Variants in PDGFD observed in about 807,000 individuals in gnomAD.
PDGFD encodes the protein platelet derived growth factor D.
In PDGFD, 30 loss-of-function variants were observed where a neutral mutation model predicts 44.7. The ratio of observed to expected loss-of-function variants is 0.67; its 90% confidence interval spans 0.50 to 0.91. The LOEUF is 0.91. PDGFD is among the 40% of genes least tolerant of loss of function. The probability of loss-of-function intolerance (pLI) is 0.00; values close to 1 mark genes in which losing one functional copy is unlikely to be tolerated. For synonymous variants in PDGFD, 173 were observed against 168.4 expected, an observed-to-expected ratio of 1.03 and a Z score of -0.21; for missense variants, 445 against 457.8, an observed-to-expected ratio of 0.97 and a Z score of 0.25.
chr11:104,029,311 ATT>A (rs1310260218), intron 1 of PDGFD, among the ~76,000 whole-genome samples: 1 of 152,196 alleles, frequency 6.6e-6, no homozygotes, highest in Non-Finnish European at 1.5e-5. Context: ...TTTATCTTTT[ATT>A]TGTTATTTTT....
chr11:104,078,399 C>T (rs529002502), intron 1 of PDGFD, among the ~76,000 whole-genome samples: 4 of 152,268 alleles, frequency 2.6e-5, no homozygotes, highest in African/African-American at 9.6e-5. Flanking sequence ...CTACCATCTT[C>T]TCAGATTTAT....
chr11:104,004,158 T>A (rs985997926), intron 1 of PDGFD, among the ~76,000 whole-genome samples: 1 of 152,198 alleles, frequency 6.6e-6, no homozygotes, highest in Non-Finnish European at 1.5e-5. Context: ...TGGTTATAAA[T>A]GAATGCCAAT....
At chr11:104,036,584 A>G (rs955123475) in intron 1 of PDGFD, 1 of 565,144 alleles carries the variant, frequency 1.8e-6, no homozygotes. Context: ...ACACTTAGAA[A>G]TGGACTTTGG....
intron 1 of PDGFD, among the ~76,000 whole-genome samples, chr11:104,092,486 T>C (rs1861225149): frequency 6.6e-6 from 1 of 152,052 alleles, no homozygotes; most frequent in African/African-American, 2.4e-5. Context: ...AGACTGCAAA[T>C]ATGACCCACT....
At chr11:103,942,559 C>T (rs570015068) in intron 5 of PDGFD, among the ~76,000 whole-genome samples, 25 of 152,248 alleles carry the variant, frequency 1.6e-4, no homozygotes, top group Middle Eastern at 3.4e-3. Context: ...TGCTCTCACA[C>T]ATCTCCAAAC....
chr11:103,996,795 C>T (rs759676063), intron 2 of PDGFD, among the ~76,000 whole-genome samples: 7 of 152,090 alleles, frequency 4.6e-5, no homozygotes, highest in Non-Finnish European at 8.8e-5. Context: ...GGAATGATCA[C>T]GTCATAAAAT....
chr11:104,057,316 T>C (rs1053970390), intron 1 of PDGFD, among the ~76,000 whole-genome samples: 3 of 152,158 alleles, frequency 2.0e-5, no homozygotes, highest in Admixed American at 6.5e-5. Context: ...ATAATCTCAA[T>C]GAAAACCCAG....
intron 6 of PDGFD, among the ~76,000 whole-genome samples, chr11:103,926,127 T>C (rs1858311860): frequency 6.6e-6 from 1 of 152,158 alleles, no homozygotes; most frequent in South Asian, 2.1e-4. Context: ...GGCTCTGTGA[T>C]TTACTGACCA....
intron 1 of PDGFD, among the ~76,000 whole-genome samples, chr11:104,005,987 G>A (rs372836459): frequency 1.1e-4 from 16 of 152,082 alleles, no homozygotes; most frequent in African/African-American, 3.9e-4. Context: ...CTTAAAAAAG[G>A]CAATTAAAAT....
rs1858796167 is a variant in PDGFD, at chr11:103,953,823, G to T, written c.511-6099C>A. Among the ~76,000 whole-genome samples, 4 of 152,310 alleles carry T rather than the reference G, an allele frequency of 2.6e-5. No homozygotes were observed. The South Asian group carries it at 6.2e-4, about 24-fold the overall frequency. On this transcript the variant is annotated intron_variant, in intron 3 of 6. Transcript: ENST00000393158. ...ACGTTTCTCACCAATTGCTAAAAGA[G>T]AATTGTTCAAAGACTGGACTACAAA...
At chr11:103,990,024 A>G (rs1859426877) in intron 3 of PDGFD, among the ~76,000 whole-genome samples, 1 of 152,180 alleles carries the variant, frequency 6.6e-6, no homozygotes, top group African/African-American at 2.4e-5. Context: ...CTTTTGTAGC[A>G]TCTCACCTTA....
chr11:103,983,137 CT>C (rs1459147594), intron 3 of PDGFD, among the ~76,000 whole-genome samples: 1 of 151,880 alleles, frequency 6.6e-6, no homozygotes, highest in Admixed American at 6.6e-5. Flanking sequence ...AATGACAAAG[CT>C]GGAGGCATCA....
Position 104,016,430 on chromosome 11 carries a change from C to T in PDGFD, c.125-16175G>A, listed in dbSNP as rs540875540. Among the ~76,000 whole-genome samples the T allele has an allele frequency of 7.2e-5, 11 of 152,362 alleles. No homozygotes were observed. The South Asian group carries it at 2.3e-3, about 32-fold the overall frequency. On this transcript the variant is annotated intron_variant, in intron 1 of 6. Coordinates refer to ENST00000393158, the MANE Select transcript of PDGFD (RefSeq NM_025208.5). ...TTTCTCAAATCCCCAAGCAAGCTTT[C>T]CCTCTGTCTCACTGGGCAGAATCTG...
chr11:104,126,678 T>C (rs78011649), intron 1 of PDGFD, among the ~76,000 whole-genome samples: 4 of 152,128 alleles, frequency 2.6e-5, no homozygotes, highest in Non-Finnish European at 5.9e-5. Context: ...AGGTGCTATA[T>C]AACTGACATG....
chr11:104,153,954 C>T (rs1325108751), intron 1 of PDGFD, among the ~76,000 whole-genome samples: 2 of 151,932 alleles, frequency 1.3e-5, no homozygotes. Flanking sequence ...ATAGGGCAGA[C>T]AGGAAGACCC....
chr11:103,934,580 G>A (rs1858458015), intron 5 of PDGFD, among the ~76,000 whole-genome samples: 1 of 152,174 alleles, frequency 6.6e-6, no homozygotes. Context: ...TGCATTGCCT[G>A]GGAGGCCTAA....
At chr11:103,919,502 C>CTTT (rs71037206) in intron 6 of PDGFD, among the ~76,000 whole-genome samples, 2,292 of 88,710 alleles carry the variant, frequency 0.026, 75 homozygotes, top group African/African-American at 0.043. Flanking sequence ...AAGATTCTTC[C>CTTT]TTTTTTTTTT....
At chr11:103,960,095 G>T (rs1008519206) in intron 3 of PDGFD, among the ~76,000 whole-genome samples, 1 of 152,128 alleles carries the variant, frequency 6.6e-6, no homozygotes, top group Admixed American at 6.5e-5. Flanking sequence ...GTTCTTCTTT[G>T]CATCTTGCTA....
intron 4 of PDGFD, chr11:103,945,448 T>A (rs373213142): frequency 1.3e-5 from 2 of 152,192 alleles, no homozygotes; most frequent in Non-Finnish European, 2.9e-5. Flanking sequence ...TGTCGGATAA[T>A]CTACAGTCTA....
Sources: gnomAD v4.1 joint callset for allele counts (sites outside exome capture counted in the v4.1 genomes callset) on GRCh38, gnomAD v4.1.1 for gene constraint, MANE v1.5 for transcripts, NCBI Gene and HGNC (gene_info 2026-07-23, HGNC 2026-07-21) for gene names.